Variants in ST18 observed in about 807,000 individuals in gnomAD.
ST18 encodes the protein suppression of tumorigenicity 18 protein.
ST18 carries 50 observed loss-of-function variants against 110.0 expected under a neutral mutation model. That is an observed-to-expected ratio of 0.45 (90% CI 0.36 to 0.58). The LOEUF is 0.58. Ranked by LOEUF, ST18 falls within the 20% of genes least tolerant of loss-of-function variation. The pLI is 0.00. For synonymous variants in ST18, 461 were observed against 452.4 expected, an observed-to-expected ratio of 1.02 and a Z score of -0.24; for missense variants, 1,306 against 1,280.1, an observed-to-expected ratio of 1.02 and a Z score of -0.31.
At chr8:52,350,964 C>A (rs1373620539) in intron 2 of ST18, among the ~76,000 whole-genome samples, 1 of 152,024 alleles carries the variant, frequency 6.6e-6, no homozygotes, top group African/African-American at 2.4e-5. Flanking sequence ...TCATCATCTG[C>A]CTGCCTCGGC....
Position 52,357,716 on chromosome 8 carries a change from TATATATA to T in ST18, c.-465+51605_-465+51611del, listed in dbSNP as rs1564568714. Among the ~76,000 whole-genome samples the T allele has an allele frequency of 8.3e-3, 562 of 67,994 alleles. 11 individuals are homozygous for T. The highest frequency in any genetic ancestry group is 0.049 in the African/African-American group (501 of 10,204). 44.6% of individuals were successfully genotyped at this position (67,994 alleles called of 152,430 possible). ...ATATATATATATATATATATATATA[TATATATA>T]TATATATAAAACAGACTCAAAGGGA... On this transcript the variant is annotated intron_variant, in intron 2 of 25. Transcript: ENST00000689386.
intron 2 of ST18, among the ~76,000 whole-genome samples, chr8:52,391,773 T>TC: frequency 6.6e-6 from 1 of 152,172 alleles, no homozygotes; most frequent in Admixed American, 6.5e-5. Context: ...TACATCCCTG[T>TC]CATTGGGCAA....
chr8:52,250,810 C>T (rs951922275), intron 2 of ST18, among the ~76,000 whole-genome samples: 3 of 151,778 alleles, frequency 2.0e-5, no homozygotes, highest in Non-Finnish European at 4.4e-5. Flanking sequence ...CTAAGGGAGG[C>T]CTGGCTCTCA....
intron 8 of ST18, among the ~76,000 whole-genome samples, chr8:52,185,943 T>G (rs1225757693): frequency 6.6e-6 from 1 of 152,192 alleles, no homozygotes; most frequent in East Asian, 1.9e-4. Context: ...TCAGAGCACA[T>G]TAAAATGAAA....
intron 2 of ST18, among the ~76,000 whole-genome samples, chr8:52,333,698 T>C (rs1589997849): frequency 6.6e-6 from 1 of 152,242 alleles, no homozygotes; most frequent in Non-Finnish European, 1.5e-5. Flanking sequence ...TTTCTTTATA[T>C]TTGATAAACT....
intron 9 of ST18, among the ~76,000 whole-genome samples, chr8:52,176,568 G>A (rs1305374281): frequency 6.6e-6 from 1 of 152,176 alleles, no homozygotes; most frequent in Non-Finnish European, 1.5e-5. Context: ...AGTGTGGGGA[G>A]GGAGCAGCGG....
chr8:52,341,040 G>T (rs185159173), intron 2 of ST18, among the ~76,000 whole-genome samples: 16 of 152,276 alleles, frequency 1.1e-4, no homozygotes, highest in Admixed American at 9.2e-4. Context: ...CCTAAATCAT[G>T]CTAAATACTA....
At chr8:52,220,266 A>G (rs1299935972) in intron 5 of ST18, among the ~76,000 whole-genome samples, 1 of 152,206 alleles carries the variant, frequency 6.6e-6, no homozygotes, top group East Asian at 1.9e-4. Flanking sequence ...GGGATAGATC[A>G]TTTGAAATAG....
chr8:52,227,867 G>A (rs1476368753), intron 3 of ST18, among the ~76,000 whole-genome samples: 1 of 152,140 alleles, frequency 6.6e-6, no homozygotes. Context: ...TCCCTGGGCT[G>A]ATGTAGGCTC....
chr8:52,259,854 C>T (rs2138618231), intron 2 of ST18, among the ~76,000 whole-genome samples: 1 of 152,308 alleles, frequency 6.6e-6, no homozygotes, highest in Admixed American at 6.5e-5. Flanking sequence ...CCAGTAAAAA[C>T]CAACATGGAT....
intron 19 of ST18, 109 bp downstream of exon 19, chr8:52,136,481 A>T: frequency 1.9e-6 from 2 of 1,074,098 alleles, no homozygotes; most frequent in Non-Finnish European, 1.4e-6. Flanking sequence ...TGATCCTGGC[A>T]GGCAGGACAT....
chr8:52,223,960 C>G lies in ST18; in HGVS notation c.-418-2167G>C, dbSNP rs190859344. On this transcript the variant is annotated intron_variant, in intron 3 of 25. Coordinates refer to ENST00000689386, the MANE Select transcript of ST18 (RefSeq NM_001352837.2). ...AGATTTGCTTTTTTTAATAAGTAAA[C>G]ATAAAAATTTTAGCACATTTACCTT... 9.9e-5 allele frequency among the ~76,000 whole-genome samples: 15 copies of G among 152,224 alleles called. No homozygotes were observed. In the East Asian group the frequency reaches 2.9e-3, roughly 29 times the overall value.
At chr8:52,267,012 A>G (rs57646775) in intron 2 of ST18, among the ~76,000 whole-genome samples, 47,366 of 151,962 alleles carry the variant, frequency 0.31, 7,675 homozygotes, top group Middle Eastern at 0.45. Context: ...AGGTGCAGCA[A>G]AGGGCTGGGG....
chr8:52,167,029 C>T (rs369918612), intron 10 of ST18, 43 bp from the exon 11 acceptor site: 160 of 1,573,334 alleles, frequency 1.0e-4, no homozygotes, highest in Non-Finnish European at 1.3e-4. Flanking sequence ...GTTATTCTTG[C>T]TTTTCTTCCC....
intron 2 of ST18, among the ~76,000 whole-genome samples, chr8:52,295,138 G>A (rs1259430299): frequency 1.3e-5 from 2 of 152,232 alleles, no homozygotes; most frequent in Non-Finnish European, 2.9e-5. Flanking sequence ...TGTCCTAATC[G>A]TCACACGTGT....
chr8:52,268,493 A>ATCTATCTG (rs2094951944), intron 2 of ST18, among the ~76,000 whole-genome samples: 1 of 146,430 alleles, frequency 6.8e-6, no homozygotes, highest in Non-Finnish European at 1.5e-5. Flanking sequence ...CTATCTATCT[A>ATCTATCTG]TCTATCTATC....
At chr8:52,357,712 T>C (rs1590211354) in intron 2 of ST18, among the ~76,000 whole-genome samples, 1 of 69,520 alleles carries the variant, frequency 1.4e-5, no homozygotes, top group Non-Finnish European at 2.6e-5. Context: ...TATATATATA[T>C]ATATATATAT....
chr8:52,172,502 G>A lies in ST18; in HGVS notation c.359C>T (p.Ser120Phe), dbSNP rs776832110. ...ENSSRKEDRYSCYQELMVKSL... is the reference protein window; with the variant it reads ...ENSSRKEDRYFCYQELMVKSL... ...CTTGACCATGAGCTCTTGATAACAA[G>A]AGTATCTGTCTTCCTTCCTACTGGA... The change falls in exon 10 of 26, where the codon TCT (serine) becomes TTT (phenylalanine). Residue 120 changes from serine to phenylalanine, a missense_variant. Physicochemically the swap from Ser to Phe is radical, Grantham distance 155. Coordinates refer to ENST00000689386, the MANE Select transcript of ST18 (RefSeq NM_001352837.2). The A allele has an allele frequency of 2.5e-6, 4 of 1,613,652 alleles. No homozygotes were observed. The South Asian group carries it at 3.3e-5, about 13-fold the overall frequency.
intron 2 of ST18, chr8:52,405,379 T>A (rs569851364): frequency 2.4e-4 from 37 of 152,218 alleles, no homozygotes; most frequent in Admixed American, 2.3e-3. Flanking sequence ...CGCAGTCCAG[T>A]CCACGCCAAC....
Sources: gnomAD v4.1 joint callset for allele counts (sites outside exome capture counted in the v4.1 genomes callset) on GRCh38, gnomAD v4.1.1 for gene constraint, MANE v1.5 for transcripts, NCBI Gene and HGNC (gene_info 2026-07-23, HGNC 2026-07-21) for gene names.